The following LPP variants were observed in gnomAD, a reference collection of about 807,000 sequenced individuals.
The protein encoded by LPP is LIM domain containing preferred translocation partner in lipoma.
A neutral mutation model predicts 60.4 loss-of-function variants in LPP; 38 were observed. The ratio of observed to expected loss-of-function variants is 0.63; its 90% CI spans 0.49 to 0.83. LPP has a LOEUF of 0.83. Among genes scored for constraint, LPP ranks in the 40% least tolerant of loss-of-function variants. LPP has a pLI of 0.00. For missense variants in LPP, 902 were observed against 783.6 expected, an observed-to-expected ratio of 1.15 and a Z score of -1.80; for synonymous variants, 328 against 290.8, an observed-to-expected ratio of 1.13 and a Z score of -1.30.
intron 11 of LPP, among the ~76,000 whole-genome samples, chr3:188,873,359 G>A (rs1025054428): frequency 1.3e-5 from 2 of 152,230 alleles, no homozygotes; most frequent in African/African-American, 4.8e-5. Flanking sequence ...CACCATGGTA[G>A]ATAGCAGAGG....
intron 4 of LPP, among the ~76,000 whole-genome samples, chr3:188,473,913 T>C (rs904322735): frequency 2.6e-5 from 4 of 152,154 alleles, no homozygotes; most frequent in South Asian, 2.1e-4. Flanking sequence ...AAGACTCTGT[T>C]CCTATACTTT....
intron 2 of LPP, among the ~76,000 whole-genome samples, chr3:188,250,788 G>GTCTTTCTCTTTCTT (rs1294870002): frequency 1.2e-4 from 6 of 48,076 alleles, no homozygotes; most frequent in Admixed American, 8.5e-4. Context: ...CTTTCTTTCT[G>GTCTTTCTCTTTCTT]TCTTTCTCTT....
chr3:188,610,160 C>T lies in LPP; in HGVS notation c.1113+316C>T, dbSNP rs370640080. Among the ~76,000 whole-genome samples, 52 of 152,350 alleles carry T rather than the reference C, an allele frequency of 3.4e-4. No individual in the cohort carries two copies. The South Asian group carries it at 0.01, about 30-fold the overall frequency. ...GAGAAAATAATTTATTTTTCACATC[C>T]TTCCCTATATTGGTTAAAGCTTCCC... is the stretch of plus-strand genomic sequence containing the variant. On this transcript the variant is annotated intron_variant, in intron 7 of 11. Transcript: ENST00000617246. The surrounding 1 kb of genome is among the most constrained non-coding windows in gnomAD (Gnocchi z 4.4).
chr3:188,803,577 T>G (rs1748001029), intron 9 of LPP, among the ~76,000 whole-genome samples: 1 of 152,242 alleles, frequency 6.6e-6, no homozygotes, highest in African/African-American at 2.4e-5. Flanking sequence ...TTAATTAATC[T>G]TATGCAGATT....
At chr3:188,266,367 G>A (rs1466641226) in intron 2 of LPP, among the ~76,000 whole-genome samples, 3 of 152,188 alleles carry the variant, frequency 2.0e-5, no homozygotes, top group East Asian at 1.9e-4. Flanking sequence ...ACAGACAGAT[G>A]ATACGTTTTT....
intron 1 of LPP, chr3:188,212,962 G>T (rs1305029717): frequency 6.6e-6 from 1 of 152,254 alleles, no homozygotes; most frequent in Non-Finnish European, 1.5e-5. Context: ...GTGGACAGCT[G>T]CTTTCCCAGG....
intron 8 of LPP, among the ~76,000 whole-genome samples, chr3:188,731,504 A>ATTTTTTTTT (rs1418969728): frequency 2.7e-5 from 1 of 37,348 alleles, no homozygotes; most frequent in Admixed American, 2.5e-4. Flanking sequence ...CTAATCTTTT[A>ATTTTTTTTT]TTTTTTTGTT....
At chr3:188,345,300 A>C (rs1324458236) in intron 3 of LPP, among the ~76,000 whole-genome samples, 1 of 152,156 alleles carries the variant, frequency 6.6e-6, no homozygotes, top group Admixed American at 6.5e-5. Context: ...AATTTCATGA[A>C]GACATGGCAC....
chr3:188,815,472 A>C (rs916133346), intron 9 of LPP, among the ~76,000 whole-genome samples: 7 of 152,110 alleles, frequency 4.6e-5, no homozygotes, highest in Admixed American at 3.9e-4. Flanking sequence ...AAATAATATA[A>C]GCCTGGGCTT....
intron 9 of LPP, among the ~76,000 whole-genome samples, chr3:188,809,193 A>G (rs1434770862): frequency 6.6e-6 from 1 of 152,222 alleles, no homozygotes; most frequent in Non-Finnish European, 1.5e-5. Flanking sequence ...CTTTGGATAT[A>G]TATCCAGTAA....
At chr3:188,641,433 A>G (rs111314835) in intron 7 of LPP, among the ~76,000 whole-genome samples, 5 of 152,332 alleles carry the variant, frequency 3.3e-5, no homozygotes, top group South Asian at 2.1e-4. Flanking sequence ...ATGTGATTTC[A>G]TAAATGTCAA....
chr3:188,494,303 C>T (rs996459351), intron 5 of LPP, among the ~76,000 whole-genome samples: 12 of 152,120 alleles, frequency 7.9e-5, no homozygotes, highest in African/African-American at 2.9e-4. Context: ...GCTGCAGGAG[C>T]TGTGGCCAGC....
chr3:188,424,040 T>A (rs1332922105), intron 4 of LPP, among the ~76,000 whole-genome samples: 1 of 152,238 alleles, frequency 6.6e-6, no homozygotes, highest in Non-Finnish European at 1.5e-5. Flanking sequence ...CATTCCTATG[T>A]CCTGAATGGT....
At chr3:188,527,265 G>A (rs780958456) in intron 6 of LPP, among the ~76,000 whole-genome samples, 3 of 146,896 alleles carry the variant, frequency 2.0e-5, no homozygotes, top group Admixed American at 7.0e-5. Context: ...CAGGAGAATC[G>A]TTTGAACCCG....
chr3:188,303,257 A>T (rs1344114694), intron 2 of LPP, among the ~76,000 whole-genome samples: 1 of 152,178 alleles, frequency 6.6e-6, no homozygotes, highest in Non-Finnish European at 1.5e-5. Context: ...ATGTTCCAAT[A>T]AACTTTTATT....
chr3:188,774,472 A>T (rs897058115), intron 9 of LPP, among the ~76,000 whole-genome samples: 1 of 151,356 alleles, frequency 6.6e-6, no homozygotes, highest in Non-Finnish European at 1.5e-5. Flanking sequence ...TTTTTTCCCT[A>T]TCCACCTCCA....
At chr3:188,281,906 C>T (rs1247005178) in intron 2 of LPP, among the ~76,000 whole-genome samples, 3 of 152,150 alleles carry the variant, frequency 2.0e-5, no homozygotes, top group Non-Finnish European at 4.4e-5. Context: ...AATAGTTACT[C>T]CGAATTGCAG....
chr3:188,884,738 T>G lies in LPP; in HGVS notation c.*10259T>G, dbSNP rs913974698. ...CTCTCCCATGAACCACGATGTACGTTCCACAGAGGCAGAAACCGCCGTAGG... is the reference window on the plus strand; with the variant it reads ...CTCTCCCATGAACCACGATGTACGTGCCACAGAGGCAGAAACCGCCGTAGG... On this transcript the variant is annotated 3_prime_UTR_variant, in exon 12 of 12. Transcript: ENST00000617246. 8.8e-6 allele frequency: 2 copies of G among 226,686 alleles called. No homozygotes were observed. Among genetic ancestry groups the G allele is most frequent in the African/African-American group, 4.4e-5 (2 of 44,944 alleles). 14.0% of individuals were successfully genotyped at this position (226,686 alleles called of 1,614,324 possible).
intron 8 of LPP, among the ~76,000 whole-genome samples, chr3:188,745,863 G>A (rs1245065909): frequency 2.0e-5 from 3 of 152,006 alleles, no homozygotes; most frequent in Non-Finnish European, 4.4e-5. Flanking sequence ...TCTATTCCAC[G>A]CTCTAATTTC....
Sources: allele counts gnomAD v4.1 joint callset (sites outside exome capture counted in the v4.1 genomes callset), GRCh38; gene constraint gnomAD v4.1.1; non-coding constraint Gnocchi (gnomAD v3.1); transcripts MANE v1.5; gene names NCBI Gene and HGNC (gene_info 2026-07-23, HGNC 2026-07-21).